Variants in MACF1 observed in about 807,000 individuals in gnomAD.
MACF1 encodes microtubule-actin cross-linking factor 1.
In MACF1, 193 loss-of-function variants were observed where a neutral mutation model predicts 854.8. The observed-to-expected ratio is 0.23, with a 90% confidence interval of 0.20 to 0.25. The LOEUF (loss-of-function observed/expected upper bound fraction) is 0.25. Ranked by LOEUF, MACF1 falls within the 10% of genes least tolerant of loss-of-function variation. The probability of loss-of-function intolerance (pLI) is 1.00; values close to 1 mark genes in which losing one functional copy is unlikely to be tolerated. For missense variants in MACF1, 7,722 were observed against 8,929.1 expected, an observed-to-expected ratio of 0.86 and a Z score of 5.45; for synonymous variants, 3,185 against 3,226.7, an observed-to-expected ratio of 0.99 and a Z score of 0.44.
At chr1:39,093,313 T>G (rs1210236837) in intron 2 of MACF1, among the ~76,000 whole-genome samples, 1 of 132,662 alleles carries the variant, frequency 7.5e-6, no homozygotes, top group Middle Eastern at 3.6e-3. Context: ...TTCTTTTTTT[T>G]TTTTTTTTTT....
Position 39,335,632 on chromosome 1 carries a change from G to T in MACF1, c.9044G>T (p.Ser3015Ile). 6.2e-7 allele frequency: 1 copy of T among 1,614,098 alleles called. No homozygotes were observed. The highest frequency in any genetic ancestry group is 1.1e-5 in the South Asian group (1 of 91,064). ...GATGAGCATGACTCCCATATAAAGAGCCAACCTAGGGAAATGACCTCAAGT... is the reference window on the plus strand; with the variant it reads ...GATGAGCATGACTCCCATATAAAGATCCAACCTAGGGAAATGACCTCAAGT... Reference protein sequence around the residue: ...IRDEHDSHIKSQPREMTSSEK... With the variant: ...IRDEHDSHIKIQPREMTSSEK... The change falls in exon 37 of 101, where the codon AGC becomes ATC. Residue 3015 changes from serine (S) to isoleucine (I), a missense_variant. By Grantham distance (142) the Ser-to-Ile change is moderately radical. Coordinates refer to ENST00000564288, the MANE Select transcript of MACF1 (RefSeq NM_001394062.1).
In MACF1 at chr1:39,469,533, A is replaced by T; in HGVS notation, c.21890-14A>T. On this transcript the variant is annotated splice_polypyrimidine_tract_variant and intron_variant, in intron 96 of 100. Transcript: ENST00000564288. ...CCTGTCTGTTTCTTTCTGTTTACGT[A>T]TTTTTTATTCTAGTTCACCATCCTG... 6.5e-7 allele frequency: 1 copy of T among 1,543,688 alleles called. No individual in the cohort carries two copies. The highest frequency in any genetic ancestry group is 1.2e-5 in the South Asian group (1 of 83,904).
chr1:39,340,484 T>C lies in MACF1; in HGVS notation c.10216-18T>C, dbSNP rs775507283. The C allele has an allele frequency of 1.1e-5, 17 of 1,588,554 alleles. No individual in the cohort carries two copies. The South Asian group carries it at 1.7e-4, about 16-fold the overall frequency. Reference sequence around the variant, plus strand: ...TTCTAGTCTTGCTTTTATAGGTAACTCCACTTTATTCCCTCAGGTATTAGA... The same window carrying C: ...TTCTAGTCTTGCTTTTATAGGTAACCCCACTTTATTCCCTCAGGTATTAGA... On this transcript the variant is annotated intron_variant, in intron 38 of 100. Coordinates refer to ENST00000564288, the MANE Select transcript of MACF1 (RefSeq NM_001394062.1).
At chr1:39,352,893 C>A (rs1647236665) in intron 43 of MACF1, 114 bp from the exon 44 acceptor site, 5 of 611,714 alleles carry the variant, frequency 8.2e-6, no homozygotes, top group Admixed American at 2.8e-5. Flanking sequence ...CTGTTTATAC[C>A]CAGTCTTAGA....
chr1:39,286,414 A>G (rs1224723232), intron 14 of MACF1, among the ~76,000 whole-genome samples: 1 of 152,114 alleles, frequency 6.6e-6, no homozygotes, highest in Admixed American at 6.6e-5. Flanking sequence ...TAGGGGGGAA[A>G]ATTGAGACCC....
intron 2 of MACF1, among the ~76,000 whole-genome samples, chr1:39,169,307 C>T (rs571381563): frequency 1.3e-5 from 2 of 152,250 alleles, no homozygotes; most frequent in African/African-American, 4.8e-5. Context: ...TTACAAAGAC[C>T]TTTTATGGCT....
chr1:39,463,734 TG>T, intron 94 of MACF1, 48 bp downstream of exon 94: 1 of 1,537,038 alleles, frequency 6.5e-7, no homozygotes, highest in Non-Finnish European at 9.0e-7. Flanking sequence ...TTCTCATATG[TG>T]GCTGATCCCA....
chr1:39,363,841 A>T (rs968564292), intron 49 of MACF1, among the ~76,000 whole-genome samples: 1 of 151,934 alleles, frequency 6.6e-6, no homozygotes, highest in Non-Finnish European at 1.5e-5. Context: ...CAAACTCCTG[A>T]CCTCAAGTGA....
chr1:39,255,029 T>TA (rs1373166500), intron 5 of MACF1, among the ~76,000 whole-genome samples: 1 of 151,926 alleles, frequency 6.6e-6, no homozygotes, highest in Non-Finnish European at 1.5e-5. Context: ...ACCGAGAAGA[T>TA]ACCCTAATGT....
chr1:39,321,659 G>T (rs1646517842), intron 31 of MACF1, among the ~76,000 whole-genome samples: 1 of 152,218 alleles, frequency 6.6e-6, no homozygotes, highest in South Asian at 2.1e-4. Flanking sequence ...TTGTTCCATT[G>T]TTGTGGCTTT....
rs777165922 is a variant in MACF1 at position 39,295,139 on chromosome 1, C to G, written c.2248C>G (p.Gln750Glu). ...LLSLENHPAKQTVEAYSAAVQ... is the reference protein window; with the variant it reads ...LLSLENHPAKETVEAYSAAVQ... Reference sequence around the variant, plus strand: ...TTCACTTGAGAACCACCCAGCCAAGCAGACAGTGGAGGTGTGTGACTTGAG... The same window carrying G: ...TTCACTTGAGAACCACCCAGCCAAGGAGACAGTGGAGGTGTGTGACTTGAG... The change falls in exon 19 of 101, where the codon CAG (glutamine) becomes GAG (glutamate). Residue 750 changes from glutamine (Q) to glutamate (E), a missense_variant. This residue lies in a region of MACF1 where 1,137 missense variants were observed against 1,263.0 expected (regional missense o/e 0.90). Transcript: ENST00000564288. The G allele has an allele frequency of 2.5e-6, 4 of 1,613,696 alleles. No individual in the cohort carries two copies. Among genetic ancestry groups the G allele is most frequent in the African/African-American group, 1.3e-5 (1 of 75,008 alleles).
chr1:39,430,025 C>G lies in MACF1; in HGVS notation c.17087C>G (p.Ser5696Cys), dbSNP rs989469094. The G allele has an allele frequency of 5.0e-6, 8 of 1,613,738 alleles. No individual in the cohort carries two copies. In the African/African-American group the frequency reaches 1.1e-4, roughly 22 times the overall value. ...GAGCTGGCAACCAGTGGAGGACAGT[C>G]TCCCACAGGGGAACAGATACCCCAG... ...EEELATSGGQ[S>C]PTGEQIPQFQ... The change falls in exon 65 of 101, where the codon TCT becomes TGT. Residue 5696 changes from serine (S) to cysteine (C), a missense_variant. By Grantham distance (112) the Ser-to-Cys change is moderately radical. Around this residue, in one of 15 missense-constraint regions of MACF1, gnomAD observed 2,807 missense variants for 3,235.8 expected, o/e 0.87. Coordinates refer to ENST00000564288, the MANE Select transcript of MACF1 (RefSeq NM_001394062.1).
intron 79 of MACF1, 99 bp downstream of exon 79, chr1:39,443,673 A>C: frequency 3.1e-6 from 4 of 1,304,378 alleles, no homozygotes; most frequent in Non-Finnish European, 4.2e-6. Flanking sequence ...AAATCTACAA[A>C]GTAGTGCATT....
At chr1:39,381,356 C>CTT (rs869060742) in intron 55 of MACF1, among the ~76,000 whole-genome samples, 908 of 36,758 alleles carry the variant, frequency 0.025, 50 homozygotes, top group African/African-American at 0.061. Context: ...CATGCCTGGC[C>CTT]TTTTTTTTTT....
chr1:39,357,454 A>G lies in MACF1; in HGVS notation c.11504A>G (p.His3835Arg), dbSNP rs780924139. The G allele has an allele frequency of 1.3e-5, 21 of 1,614,056 alleles. No homozygotes were observed. Among genetic ancestry groups the G allele is most frequent in the Non-Finnish European group, 1.8e-5 (21 of 1,180,038 alleles). The change falls in exon 45 of 101, where the codon CAT (histidine) becomes CGT (arginine). Residue 3835 changes from histidine (H) to arginine (R), a missense_variant. His to Arg is a conservative substitution (Grantham distance 29). Around this residue, in one of 15 missense-constraint regions of MACF1, gnomAD observed 2,807 missense variants for 3,235.8 expected, o/e 0.87. Coordinates refer to ENST00000564288, the MANE Select transcript of MACF1 (RefSeq NM_001394062.1). ...TCAGCTCAGGCCTTCTTGGATCAGCATGGCCACAATCTCACACCTGAGGAG... is the reference window on the plus strand; with the variant it reads ...TCAGCTCAGGCCTTCTTGGATCAGCGTGGCCACAATCTCACACCTGAGGAG... ...TQSAQAFLDQ[H>R]GHNLTPEEQQ...
rs555439185 is a variant in MACF1 at position 39,412,854 on chromosome 1, G to A, written c.15817-9520G>A. On this transcript the variant is annotated intron_variant, in intron 58 of 100. Transcript: ENST00000564288. ...AGGAGGGTACCTCAATTGCTGCAGT[G>A]CCTGCCCCAGAGGGAACTGCTGTAG... is the stretch of plus-strand genomic sequence containing the variant. The A allele has an allele frequency of 1.1e-5, 18 of 1,610,924 alleles. No individual in the cohort carries two copies. In the South Asian group the frequency reaches 1.9e-4, roughly 17 times the overall value.
chr1:39,466,904 A>G (rs952579256), intron 95 of MACF1, among the ~76,000 whole-genome samples: 16 of 152,184 alleles, frequency 1.1e-4, no homozygotes, highest in African/African-American at 2.7e-4. Context: ...GTATTTTTCA[A>G]TTGCCTTGCC....
At chr1:39,384,100 C>T (rs1347355343) in intron 56 of MACF1, among the ~76,000 whole-genome samples, 1 of 152,032 alleles carries the variant, frequency 6.6e-6, no homozygotes, top group East Asian at 1.9e-4. Context: ...CCTAGACCCT[C>T]CCCTGAAGTG....
intron 3 of MACF1, 38 bp from the exon 4 acceptor site, chr1:39,251,804 CTTGT>C (rs1246856891): frequency 2.5e-5 from 28 of 1,127,936 alleles, no homozygotes; most frequent in Admixed American, 1.1e-4. Context: ...TTGTGAATTT[CTTGT>C]TCCTCTATTG....
Sources: allele counts gnomAD v4.1 joint callset (sites outside exome capture counted in the v4.1 genomes callset), GRCh38; gene constraint gnomAD v4.1.1; regional missense constraint gnomAD v4.1.1; transcripts MANE v1.5; gene names NCBI Gene and HGNC (gene_info 2026-07-23, HGNC 2026-07-21).